VEGFC: variants seen among roughly 807,000 people sequenced by gnomAD.
VEGFC encodes the protein vascular endothelial growth factor C.
VEGFC carries 12 observed loss-of-function variants against 46.1 expected under a neutral mutation model. The ratio of observed to expected loss-of-function variants is 0.26; its 90% CI spans 0.17 to 0.42. The LOEUF (loss-of-function observed/expected upper bound fraction) is 0.42. Among genes scored for constraint, VEGFC ranks in the 10% least tolerant of loss-of-function variants. The pLI, the probability that VEGFC is intolerant of heterozygous loss-of-function variation, is 1.00. For missense variants in VEGFC, 488 were observed against 529.4 expected (o/e 0.92, Z 0.77); for synonymous variants, 232 against 195.5 (o/e 1.19, Z -1.56).
intron 3 of VEGFC, among the ~76,000 whole-genome samples, chr4:176,719,750 T>C (rs1734752450): frequency 6.6e-6 from 1 of 152,130 alleles, no homozygotes; most frequent in Non-Finnish European, 1.5e-5. Context: ...CACATGCACT[T>C]GTCTAACTGA....
chr4:176,712,835 T>C (rs1734640361), intron 3 of VEGFC, among the ~76,000 whole-genome samples: 1 of 152,216 alleles, frequency 6.6e-6, no homozygotes, highest in African/African-American at 2.4e-5. Context: ...ATTGTCTTCA[T>C]TCAAGATGTA....
At chr4:176,702,763 T>G (rs1413649999) in intron 4 of VEGFC, among the ~76,000 whole-genome samples, 1 of 152,106 alleles carries the variant, frequency 6.6e-6, no homozygotes, top group Admixed American at 6.6e-5. Context: ...CTCTCCTCTT[T>G]GATTGTACTC....
chr4:176,707,478 G>T (rs2110994966), intron 4 of VEGFC, among the ~76,000 whole-genome samples: 1 of 152,164 alleles, frequency 6.6e-6, no homozygotes, highest in Admixed American at 6.5e-5. Flanking sequence ...AATTCATAAA[G>T]GGTTGAGACC....
intron 4 of VEGFC, among the ~76,000 whole-genome samples, chr4:176,692,985 A>G (rs999074538): frequency 3.3e-5 from 5 of 151,042 alleles, no homozygotes; most frequent in South Asian, 2.1e-4. Flanking sequence ...GTACATCACC[A>G]TCATCAAAGA....
intron 3 of VEGFC, among the ~76,000 whole-genome samples, chr4:176,712,663 A>AT (rs529206044): frequency 7.2e-4 from 110 of 152,294 alleles, no homozygotes; most frequent in African/African-American, 2.6e-3. Context: ...ACTTCAAAGC[A>AT]TTGTGACTTG....
intron 3 of VEGFC, among the ~76,000 whole-genome samples, chr4:176,720,673 C>G (rs1335310244): frequency 1.3e-5 from 2 of 151,618 alleles, no homozygotes; most frequent in Admixed American, 6.6e-5. Context: ...AACCCCATCT[C>G]TACTACAAAT....
intron 4 of VEGFC, among the ~76,000 whole-genome samples, chr4:176,706,808 T>C (rs1004793395): frequency 1.3e-5 from 2 of 152,172 alleles, no homozygotes; most frequent in Non-Finnish European, 2.9e-5. Context: ...CGTAAGTTTA[T>C]GTATCCACAT....
chr4:176,765,747 G>T (rs970831425), intron 1 of VEGFC, among the ~76,000 whole-genome samples: 14 of 152,024 alleles, frequency 9.2e-5, no homozygotes, highest in Non-Finnish European at 2.1e-4. Context: ...TAGAGACGGG[G>T]TTTCACCGTG....
chr4:176,773,108 G>A (rs1241013951), intron 1 of VEGFC, among the ~76,000 whole-genome samples: 1 of 152,164 alleles, frequency 6.6e-6, no homozygotes, highest in East Asian at 1.9e-4. Context: ...GGATTTCAGA[G>A]AAAACTTTTG....
chr4:176,783,222 G>A (rs1229196494), intron 1 of VEGFC, among the ~76,000 whole-genome samples: 4 of 152,214 alleles, frequency 2.6e-5, no homozygotes, highest in African/African-American at 9.6e-5. Flanking sequence ...AGCACACGCT[G>A]TACTAGTTAC....
chr4:176,750,520 C>T (rs893804582), intron 1 of VEGFC, among the ~76,000 whole-genome samples: 3 of 151,508 alleles, frequency 2.0e-5, no homozygotes, highest in East Asian at 1.9e-4. Flanking sequence ...CAGTAAAAGA[C>T]GTAGAGTCCA....
intron 1 of VEGFC, among the ~76,000 whole-genome samples, chr4:176,739,186 A>G (rs1735112821): frequency 6.6e-6 from 1 of 151,724 alleles, no homozygotes; most frequent in South Asian, 2.1e-4. Flanking sequence ...AGAAAAAGGA[A>G]CCCTTTACAC....
chr4:176,790,895 T>A (rs1736078784), intron 1 of VEGFC, among the ~76,000 whole-genome samples: 1 of 152,226 alleles, frequency 6.6e-6, no homozygotes, highest in Admixed American at 6.5e-5. Context: ...ATTTTTGTGA[T>A]TCACAGAATG....
In VEGFC at chr4:176,683,813, C is replaced by G. The variant is rs1212373321; in HGVS notation, c.*113G>C. On this transcript the variant is annotated 3_prime_UTR_variant, in exon 7 of 7. Transcript: ENST00000618562. ...ATCCACATGGTTCAGGAAAGACAGACTTTTGTCTTTGTTAGCATGGACCCA... is the reference window on the plus strand; with the variant it reads ...ATCCACATGGTTCAGGAAAGACAGAGTTTTGTCTTTGTTAGCATGGACCCA... 15 of 829,626 alleles carry G rather than the reference C, an allele frequency of 1.8e-5. No individual in the cohort carries two copies. Among genetic ancestry groups the G allele is most frequent in the Non-Finnish European group, 2.8e-5 (14 of 506,540 alleles). The allele number at this position is 829,626 out of a possible 1,614,324, so 51.4% of individuals were successfully genotyped here.
chr4:176,755,810 G>A (rs1735423350), intron 1 of VEGFC, among the ~76,000 whole-genome samples: 1 of 151,922 alleles, frequency 6.6e-6, no homozygotes. Flanking sequence ...TGTACAGCCA[G>A]TCAGATATTT....
chr4:176,750,439 A>T (rs1472281937), intron 1 of VEGFC, among the ~76,000 whole-genome samples: 2 of 151,774 alleles, frequency 1.3e-5, no homozygotes, highest in South Asian at 4.1e-4. Flanking sequence ...CTTGAAAAAA[A>T]TTTATATATG....
At chr4:176,767,701 G>T (rs528225259) in intron 1 of VEGFC, among the ~76,000 whole-genome samples, 1 of 151,334 alleles carries the variant, frequency 6.6e-6, no homozygotes, top group East Asian at 1.9e-4. Flanking sequence ...TTACTTGATA[G>T]AGATTTTGGT....
rs771571602 is a variant in VEGFC at position 176,792,202 on chromosome 4, T to C, written c.110A>G (p.Asp37Gly). ...CGCGTCGGGCTCCGCGTCCGAGAGGTCGAGTCCGGACTCGAAGGCGGCGGC... is the reference window on the plus strand; with the variant it reads ...CGCGTCGGGCTCCGCGTCCGAGAGGCCGAGTCCGGACTCGAAGGCGGCGGC... ...AAAAAFESGL[D>G]LSDAEPDAGE... is the part of the protein sequence containing the mutation. Residue 37 changes from aspartate (D) to glycine (G), a missense_variant, in exon 1 of 7, where the codon GAC (aspartate) becomes GGC (glycine). Coordinates refer to ENST00000618562, the MANE Select transcript of VEGFC (RefSeq NM_005429.5). The surrounding 1 kb of genome is among the most constrained non-coding windows in gnomAD (Gnocchi z 6.3). 1 of 1,550,040 alleles carries C rather than the reference T, an allele frequency of 6.5e-7. No homozygotes were observed. Among genetic ancestry groups the C allele is most frequent in the Middle Eastern group, 1.7e-4 (1 of 5,804 alleles).
chr4:176,747,193 G>A (rs1405432558), intron 1 of VEGFC, among the ~76,000 whole-genome samples: 1 of 152,064 alleles, frequency 6.6e-6, no homozygotes, highest in African/African-American at 2.4e-5. Context: ...ATAGGGAAAT[G>A]AGATGCACTT....
Sources: allele counts gnomAD v4.1 joint callset (sites outside exome capture counted in the v4.1 genomes callset), GRCh38; gene constraint gnomAD v4.1.1; non-coding constraint Gnocchi (gnomAD v3.1); transcripts MANE v1.5; gene names NCBI Gene and HGNC (gene_info 2026-07-23, HGNC 2026-07-21).